Variants in KIAA1217 observed in about 807,000 individuals in gnomAD.
KIAA1217 encodes KIAA1217, also known as sickle tail protein homolog.
KIAA1217 carries 88 observed loss-of-function variants against 163.9 expected under a neutral mutation model. That is an observed-to-expected ratio of 0.54 (90% CI 0.45 to 0.64). The LOEUF (loss-of-function observed/expected upper bound fraction) is 0.64. Among genes scored for constraint, KIAA1217 ranks in the 30% least tolerant of loss-of-function variants. The pLI, the probability that KIAA1217 is intolerant of heterozygous loss-of-function variation, is 0.00. For missense variants in KIAA1217, 2,372 were observed against 2,475.0 expected (o/e 0.96, Z 0.88); for synonymous variants, 903 against 923.1 (o/e 0.98, Z 0.39).
chr10:24,460,902 G>T (rs2062334194), intron 5 of KIAA1217, among the ~76,000 whole-genome samples: 1 of 152,170 alleles, frequency 6.6e-6, no homozygotes, highest in African/African-American at 2.4e-5. Context: ...GCCTGAAGGG[G>T]TTAAACCTAC....
Position 24,025,075 on chromosome 10 carries a change from A to G in KIAA1217, c.-171+17701A>G, listed in dbSNP as rs553700619. 6.6e-5 allele frequency among the ~76,000 whole-genome samples: 10 copies of G among 151,820 alleles called. No homozygotes were observed. The South Asian group carries it at 1.9e-3, about 28-fold the overall frequency. ...TTATGGTTCCCACTTTTTGTGTTCT[A>G]AGAAATCTCAGTGTAACCTAAAGTC... is the stretch of plus-strand genomic sequence containing the variant. On this transcript the variant is annotated intron_variant, in intron 2 of 18. Transcript: ENST00000376462.
rs67342339 is a variant in KIAA1217 at position 23,765,187 on chromosome 10, C to CTTTTTTTTTT, written c.-321+69969_-321+69978dup. On this transcript the variant is annotated intron_variant, in intron 1 of 18. Coordinates refer to the KIAA1217 transcript ENST00000376462. ...TCTTTTGTTTTCCCTTTTTTGTTCT[C>CTTTTTTTTTT]TTTTTTTTTTTTTTTTTTTTTTTTT... is the stretch of plus-strand genomic sequence containing the variant. Among the ~76,000 whole-genome samples the CTTTTTTTTTT allele has an allele frequency of 3.8e-3, 285 of 75,372 alleles. 24 individuals carry two copies. The highest frequency in any genetic ancestry group is 0.011 in the African/African-American group (183 of 17,162). The allele number at this position is 75,372 out of a possible 152,430, so 49.4% of individuals were successfully genotyped here. A position where few individuals can be genotyped will look rare whatever the true frequency, so the allele number is the denominator to read the frequency against.
At chr10:23,894,383 A>G (rs915438779) in intron 1 of KIAA1217, among the ~76,000 whole-genome samples, 12 of 151,020 alleles carry the variant, frequency 7.9e-5, no homozygotes, top group African/African-American at 2.9e-4. Context: ...GTGAACTCCC[A>G]TTCACAATTG....
At chr10:24,466,652 A>G in intron 5 of KIAA1217, 1 of 985,396 alleles carries the variant, frequency 1.0e-6, no homozygotes, top group South Asian at 4.7e-5. Context: ...TTGTTTCTGA[A>G]GAGGAAGCTG....
At chr10:23,705,683 A>G (rs7082042) in intron 1 of KIAA1217, among the ~76,000 whole-genome samples, 27,330 of 152,106 alleles carry the variant, frequency 0.18, 4,799 homozygotes, top group African/African-American at 0.45. Context: ...GAGTTATTCA[A>G]CTTTGTTCTT....
chr10:24,533,155 C>T lies in KIAA1217; in HGVS notation c.3332C>T (p.Ser1111Phe), dbSNP rs2073377290. The T allele has an allele frequency of 6.2e-7, 1 of 1,613,742 alleles. No individual in the cohort carries two copies. Among genetic ancestry groups the T allele is most frequent in the Non-Finnish European group, 8.5e-7 (1 of 1,179,944 alleles). ...GAGCCTGCTTCAGCCTGGACCCCAT[C>T]CCCACCGCCTGTCACCACCTCCTCC... ...AEEPASAWTP[S>F]PPPVTTSSSK... Residue 1111 changes from serine (S) to phenylalanine (F), a missense_variant, in exon 16 of 21, where the codon TCC (serine) becomes TTC (phenylalanine). Physicochemically the swap from Ser to Phe is radical, Grantham distance 155. Transcript: ENST00000376454.
At chr10:24,117,531 G>T (rs2063108529) in intron 2 of KIAA1217, among the ~76,000 whole-genome samples, 2 of 152,088 alleles carry the variant, frequency 1.3e-5, no homozygotes, top group Non-Finnish European at 2.9e-5. Context: ...TTGGGAGGTT[G>T]AGGTGAGGTG....
intron 1 of KIAA1217, among the ~76,000 whole-genome samples, chr10:23,801,201 C>A (rs1437755907): frequency 6.6e-6 from 1 of 152,150 alleles, no homozygotes; most frequent in Admixed American, 6.5e-5. Context: ...TGGAAACCAT[C>A]ATTCTCAGCA....
intron 1 of KIAA1217, among the ~76,000 whole-genome samples, chr10:23,803,250 G>A (rs918699673): frequency 5.3e-5 from 8 of 152,180 alleles, no homozygotes; most frequent in Non-Finnish European, 1.2e-4. Flanking sequence ...TGACACTCTG[G>A]TGCCCAGCTC....
intron 2 of KIAA1217, among the ~76,000 whole-genome samples, chr10:24,173,389 A>G (rs2065722565): frequency 6.6e-6 from 1 of 152,224 alleles, no homozygotes. Flanking sequence ...AAGTGTAAAA[A>G]TAATAGAAAT....
chr10:24,398,855 C>G (rs11014080), intron 3 of KIAA1217, among the ~76,000 whole-genome samples: 1 of 152,152 alleles, frequency 6.6e-6, no homozygotes. Context: ...AAACCAAAGT[C>G]TAGTGGCCCA....
At chr10:23,969,098 G>C (rs575962595) in intron 1 of KIAA1217, among the ~76,000 whole-genome samples, 29 of 152,178 alleles carry the variant, frequency 1.9e-4, no homozygotes, top group African/African-American at 7.0e-4. Context: ...GCAATGGCAC[G>C]ATCTCGGCTC....
intron 1 of KIAA1217, among the ~76,000 whole-genome samples, chr10:23,708,211 T>C (rs1837014281): frequency 6.6e-6 from 1 of 152,066 alleles, no homozygotes; most frequent in African/African-American, 2.4e-5. Flanking sequence ...ACGAGAACAG[T>C]ATGGGGGAAA....
intron 6 of KIAA1217, among the ~76,000 whole-genome samples, chr10:24,485,322 C>T (rs148143393): frequency 7.2e-4 from 109 of 152,200 alleles, no homozygotes; most frequent in Non-Finnish European, 1.2e-3. Flanking sequence ...CAGCCTTTTC[C>T]GTGGCCTGCC....
At chr10:24,142,008 C>A (rs2131835810) in intron 2 of KIAA1217, among the ~76,000 whole-genome samples, 1 of 151,870 alleles carries the variant, frequency 6.6e-6, no homozygotes, top group South Asian at 2.1e-4. Context: ...GTAAAGACAC[C>A]AATATATCCA....
At chr10:23,749,172 C>A (rs966323091) in intron 1 of KIAA1217, among the ~76,000 whole-genome samples, 7 of 152,234 alleles carry the variant, frequency 4.6e-5, no homozygotes, top group Non-Finnish European at 1.0e-4. Context: ...ATTTATACTA[C>A]CAAGATCCCC....
chr10:24,497,719 CAA>C (rs576820337), intron 8 of KIAA1217, among the ~76,000 whole-genome samples: 46 of 75,416 alleles, frequency 6.1e-4, no homozygotes, highest in Non-Finnish European at 5.0e-4. Flanking sequence ...GACCTTGTCT[CAA>C]AAAAAAAAAA....
intron 1 of KIAA1217, among the ~76,000 whole-genome samples, chr10:23,897,667 G>A (rs1366849017): frequency 6.6e-6 from 1 of 152,038 alleles, no homozygotes; most frequent in Non-Finnish European, 1.5e-5. Context: ...CCAACTGGTG[G>A]CTAGGAGCCC....
chr10:24,426,860 AC>A (rs2059215456), intron 3 of KIAA1217, among the ~76,000 whole-genome samples: 1 of 152,148 alleles, frequency 6.6e-6, no homozygotes, highest in African/African-American at 2.4e-5. Flanking sequence ...GCAAAGTGGG[AC>A]GCTTCGGGAA....
Sources: allele counts gnomAD v4.1 joint callset (sites outside exome capture counted in the v4.1 genomes callset), GRCh38; gene constraint gnomAD v4.1.1; transcripts MANE v1.5; gene names NCBI Gene and HGNC (gene_info 2026-07-23, HGNC 2026-07-21).